The following STAB2 variants were observed in gnomAD, a reference collection of about 807,000 sequenced individuals.
STAB2 encodes the protein stabilin 2.
A neutral mutation model predicts 338.1 loss-of-function variants in STAB2; 288 were observed. That is an observed-to-expected ratio of 0.85 (90% CI 0.77 to 0.94). The LOEUF is 0.94. Ranked by LOEUF, STAB2 falls within the 40% of genes least tolerant of loss-of-function variation. The pLI is 0.00. For missense variants in STAB2, 3,141 were observed against 3,210.1 expected, an observed-to-expected ratio of 0.98 and a Z score of 0.52; for synonymous variants, 1,202 against 1,193.3, an observed-to-expected ratio of 1.01 and a Z score of -0.15.
chr12:103,638,737 T>A (rs1957593262), intron 8 of STAB2, among the ~76,000 whole-genome samples: 1 of 152,192 alleles, frequency 6.6e-6, no homozygotes, highest in Non-Finnish European at 1.5e-5. Context: ...AAAAATCTGG[T>A]CAGGAGACCC....
Position 103,669,529 on chromosome 12 carries a change from T to C in STAB2, c.2173-12T>C, listed in dbSNP as rs1159967178. Reference sequence around the variant, plus strand: ...TGGGGGTTCAAAGGGGAACACGCATTTTGTTTTTCAGATTCCAAAGTGCTG... The same window carrying C: ...TGGGGGTTCAAAGGGGAACACGCATCTTGTTTTTCAGATTCCAAAGTGCTG... On this transcript the variant is annotated splice_polypyrimidine_tract_variant and intron_variant, in intron 20 of 68. Transcript: ENST00000388887. 6.2e-7 allele frequency: 1 copy of C among 1,613,568 alleles called. No individual in the cohort carries two copies. The highest frequency in any genetic ancestry group is 1.1e-5 in the South Asian group (1 of 91,058).
At chr12:103,636,478 C>T (rs1334033826) in intron 6 of STAB2, among the ~76,000 whole-genome samples, 1 of 151,798 alleles carries the variant, frequency 6.6e-6, no homozygotes, top group South Asian at 2.1e-4. Context: ...AATAGGTACC[C>T]TAAGATCAGG....
chr12:103,592,692 C>T (rs1266074963), intron 2 of STAB2, among the ~76,000 whole-genome samples: 1 of 152,168 alleles, frequency 6.6e-6, no homozygotes, highest in African/African-American at 2.4e-5. Flanking sequence ...TTTCTCCCCC[C>T]TCTTTTTTGT....
intron 68 of STAB2, chr12:103,763,896 GA>G (rs1323009943): frequency 3.8e-6 from 1 of 263,614 alleles, no homozygotes; most frequent in Non-Finnish European, 7.1e-6. Flanking sequence ...ATGCCACAGT[GA>G]AAAAAAGTCT....
chr12:103,656,727 C>T (rs965818836), intron 15 of STAB2, among the ~76,000 whole-genome samples: 24 of 144,756 alleles, frequency 1.7e-4, no homozygotes, highest in Non-Finnish European at 3.0e-4. Flanking sequence ...TCGCCCAGGC[C>T]GGACTGCGGA....
Position 103,742,472 on chromosome 12 carries a change from C to T in STAB2, c.5949C>T (p.Thr1983=), listed in dbSNP as rs748974686. ...RGVCLDQYSA[T]GECKCNTGFN... is the part of the protein sequence containing the mutation. ...TCTGCCTTGATCAGTACTCGGCCAC[C>T]GGAGAGTGTAAATGCAACACCGGCT... The change falls in exon 56 of 69, where the codon ACC becomes ACT. Residue 1983 remains threonine (T), a synonymous_variant. Transcript: ENST00000388887. The T allele has an allele frequency of 1.9e-5, 31 of 1,613,930 alleles. No homozygotes were observed. Among genetic ancestry groups the T allele is most frequent in the Admixed American group, 1.8e-4 (11 of 59,984 alleles).
rs1881517032 is a variant in STAB2 at position 103,730,129 on chromosome 12, T to C, written c.5096T>C (p.Ile1699Thr). The C allele has an allele frequency of 1.2e-6, 2 of 1,603,304 alleles. No individual in the cohort carries two copies. The highest frequency in any genetic ancestry group is 2.2e-5 in the East Asian group (1 of 44,464). ...VISVSQSTVY[I>T]NNKAKIISSD... ...GGTTGATTTCAGAGCACGGTGTATA[T>C]AAACAATAAGGCTAAGATCATATCC... Residue 1699 changes from isoleucine (I) to threonine (T), a missense_variant, in exon 49 of 69, where the codon ATA becomes ACA. Physicochemically the swap from Ile to Thr is moderately conservative, Grantham distance 89. Coordinates refer to ENST00000388887, the MANE Select transcript of STAB2 (RefSeq NM_017564.10).
chr12:103,719,234 A>C (rs544365236), intron 44 of STAB2, among the ~76,000 whole-genome samples: 1 of 152,278 alleles, frequency 6.6e-6, no homozygotes, highest in South Asian at 2.1e-4. Flanking sequence ...TCAATGTCAC[A>C]TTCATATCCA....
intron 55 of STAB2, among the ~76,000 whole-genome samples, chr12:103,741,291 A>G (rs888835297): frequency 1.3e-5 from 2 of 152,290 alleles, no homozygotes; most frequent in African/African-American, 4.8e-5. Flanking sequence ...CCAACAATAC[A>G]TCAACAGGTG....
chr12:103,623,041 G>A (rs1957326964), intron 5 of STAB2, among the ~76,000 whole-genome samples: 1 of 152,232 alleles, frequency 6.6e-6, no homozygotes, highest in Admixed American at 6.5e-5. Flanking sequence ...GCTGCCCCCA[G>A]AAGTAGACTC....
At chr12:103,681,467 G>T (rs1329412918) in intron 25 of STAB2, among the ~76,000 whole-genome samples, 4 of 152,094 alleles carry the variant, frequency 2.6e-5, no homozygotes, top group Non-Finnish European at 4.4e-5. Context: ...CTGTGAAGAA[G>T]CTGTTCCATG....
chr12:103,587,584 C>T, intron 1 of STAB2, 27 bp downstream of exon 1: 1 of 1,583,798 alleles, frequency 6.3e-7, no homozygotes, highest in Non-Finnish European at 8.7e-7. Context: ...ATATTTTTTT[C>T]ATTTGTTAAT....
At chr12:103,683,916 G>GT (rs960823389) in intron 26 of STAB2, among the ~76,000 whole-genome samples, 7 of 152,146 alleles carry the variant, frequency 4.6e-5, no homozygotes, top group Non-Finnish European at 8.8e-5. Context: ...GGAGTTCCAG[G>GT]TAACAGAGTC....
chr12:103,695,642 C>A lies in STAB2; in HGVS notation c.3468C>A (p.Tyr1156Ter). Reference protein sequence around the residue: ...QMPDYSIFRGYIIQYNLANAI... With the variant: ...QMPDYSIFRG Reference sequence around the variant, plus strand: ...CTGACTATTCCATCTTCCGGGGCTACATCATTGCAAGTACCACATTCTCTG... The same window carrying A: ...CTGACTATTCCATCTTCCGGGGCTAAATCATTGCAAGTACCACATTCTCTG... The change falls in exon 32 of 69, where the codon TAC (tyrosine) becomes TAA (stop). Residue 1156 changes from tyrosine to a stop codon, truncating the protein, a stop_gained. Transcript: ENST00000388887. LOFTEE classifies it high-confidence loss of function. The A allele has an allele frequency of 6.2e-7, 1 of 1,614,172 alleles. No individual in the cohort carries two copies. Among genetic ancestry groups the A allele is most frequent in the African/African-American group, 1.3e-5 (1 of 75,048 alleles).
intron 37 of STAB2, among the ~76,000 whole-genome samples, chr12:103,706,530 C>A (rs1879361970): frequency 6.6e-6 from 1 of 152,014 alleles, no homozygotes; most frequent in African/African-American, 2.4e-5. Context: ...TCTCATTTTT[C>A]TTCATCCTCT....
At chr12:103,668,437 G>A (rs1478043520) in intron 19 of STAB2, 4 of 561,058 alleles carry the variant, frequency 7.1e-6, no homozygotes, top group Non-Finnish European at 1.3e-5. Context: ...GCAAACTCTG[G>A]CCTGTATTCC....
At chr12:103,688,245 G>A (rs956308937) in intron 28 of STAB2, 30 bp downstream of exon 28, 2 of 1,607,424 alleles carry the variant, frequency 1.2e-6, no homozygotes, top group Non-Finnish European at 1.7e-6. Context: ...CTTAGGATTG[G>A]GAATGTATAT....
At chr12:103,728,628 C>T (rs1371647519) in intron 47 of STAB2, among the ~76,000 whole-genome samples, 1 of 152,182 alleles carries the variant, frequency 6.6e-6, no homozygotes, top group African/African-American at 2.4e-5. Flanking sequence ...ATGTTCCTTC[C>T]ACACTGATAT....
At chr12:103,663,071 T>G in intron 18 of STAB2, 73 bp downstream of exon 18, 1 of 1,552,824 alleles carries the variant, frequency 6.4e-7, no homozygotes, top group South Asian at 1.2e-5. Context: ...CTCCTCACAA[T>G]TCTGAGAAAG....
Sources: allele counts gnomAD v4.1 joint callset (sites outside exome capture counted in the v4.1 genomes callset), GRCh38; gene constraint gnomAD v4.1.1; transcripts MANE v1.5; gene names NCBI Gene and HGNC (gene_info 2026-07-23, HGNC 2026-07-21).